LRRC70: variants seen among roughly 807,000 people sequenced by gnomAD.
LRRC70 encodes leucine-rich repeat-containing protein 70.
A neutral mutation model predicts 42.4 loss-of-function variants in LRRC70; 31 were observed. The observed-to-expected ratio is 0.73, with a 90% CI of 0.55 to 0.99. The LOEUF (loss-of-function observed/expected upper bound fraction) is 0.99. LRRC70 is among the 50% of genes least tolerant of loss of function. The pLI is 0.00. For synonymous variants in LRRC70, 270 were observed against 262.9 expected (o/e 1.03, Z -0.26); for missense variants, 643 against 707.5 (o/e 0.91, Z 1.03).
chr5:62,580,130 G>GT lies in LRRC70; in HGVS notation c.692_693insT (p.Arg231SerfsTer8). The GT allele has an allele frequency of 6.5e-7, 1 of 1,549,848 alleles. No individual in the cohort carries two copies. Among genetic ancestry groups the GT allele is most frequent in the Non-Finnish European group, 8.7e-7 (1 of 1,145,484 alleles). ...GCCTTTGAAGTACTTAAAAGTCTTA[G>GT]AAGACTTTCTTTGTCTCATAATCCT... On this transcript the variant is annotated frameshift_variant, in exon 2 of 2. Coordinates refer to ENST00000334994, the MANE Select transcript of LRRC70 (RefSeq NM_181506.5). LOFTEE classifies it high-confidence loss of function.
rs554115905 is a variant in LRRC70 at position 62,580,724 on chromosome 5, C to T, written c.1286C>T (p.Ala429Val). 23 of 1,551,272 alleles carry T rather than the reference C, an allele frequency of 1.5e-5. No individual in the cohort carries two copies. The highest frequency in any genetic ancestry group is 1.3e-4 in the South Asian group (11 of 84,052). Residue 429 changes from alanine (A) to valine (V), a missense_variant, in exon 2 of 2, where the codon GCG (alanine) becomes GTG (valine). Physicochemically the swap from Ala to Val is moderately conservative, Grantham distance 64 (BLOSUM62 0). Coordinates refer to ENST00000334994, the MANE Select transcript of LRRC70 (RefSeq NM_181506.5). Reference sequence around the variant, plus strand: ...CCTCATATTCATCACAAGACTACTGCGCTAATGATGGCCTGGCATAAAGTA... The same window carrying T: ...CCTCATATTCATCACAAGACTACTGTGCTAATGATGGCCTGGCATAAAGTA... ...KSPHIHHKTT[A>V]LMMAWHKVTT... is the part of the protein sequence containing the mutation.
chr5:62,579,088 A>G (rs1580345743), intron 1 of LRRC70, among the ~76,000 whole-genome samples, 153 bp downstream of exon 1: 1 of 152,116 alleles, frequency 6.6e-6, no homozygotes, highest in African/African-American at 2.4e-5. Context: ...TTAAAGGGAC[A>G]TATTAAATTC....
chr5:62,580,196 A>G lies in LRRC70; in HGVS notation c.758A>G (p.Asn253Ser), dbSNP rs1187146956. Residue 253 changes from asparagine to serine, a missense_variant, in exon 2 of 2, where the codon AAT becomes AGT. Asn to Ser is a conservative substitution (Grantham distance 46). Coordinates refer to ENST00000334994, the MANE Select transcript of LRRC70 (RefSeq NM_181506.5). ...IQPFAFKGLA[N>S]LEYLLLKNSR... ...CCCTTTGCATTTAAAGGACTTGCCA[A>G]TCTGGAATACCTCCTCCTGAAAAAT... The G allele has an allele frequency of 3.9e-6, 6 of 1,551,084 alleles. No homozygotes were observed. The highest frequency in any genetic ancestry group is 1.4e-5 in the African/African-American group (1 of 73,008).
chr5:62,580,034 G>T lies in LRRC70; in HGVS notation c.596G>T (p.Gly199Val), dbSNP rs1479888737. The part of the protein sequence containing the change: ...NNNILRISES[G>V]FQHLENLACL... The stretch of plus-strand genomic sequence containing the variant: ...AACATTTTGAGGATATCAGAATCAG[G>T]CTTTCAACATCTTGAAAACCTTGCT... The change falls in exon 2 of 2, where the codon GGC (glycine) becomes GTC (valine). Residue 199 changes from glycine to valine, a missense_variant. By Grantham distance (109) the Gly-to-Val change is moderately radical (BLOSUM62 -3). Transcript: ENST00000334994. The T allele has an allele frequency of 6.4e-7, 1 of 1,551,034 alleles. No homozygotes were observed. The highest frequency in any genetic ancestry group is 8.7e-7 in the Non-Finnish European group (1 of 1,146,718).
rs1317463753 is a variant in LRRC70 at position 62,581,389 on chromosome 5, T to C, written c.*82T>C. The C allele has an allele frequency of 1.3e-5, 13 of 1,030,000 alleles. No individual in the cohort carries two copies. In the South Asian group the frequency reaches 2.2e-4, roughly 17 times the overall value. The allele number at this position is 1,030,000 out of a possible 1,614,324, so 63.8% of individuals were successfully genotyped here. Reference sequence around the variant, plus strand: ...AACCTCCTTATATAATTATATACTTTAGTTGGAAATATAATGAATTATATG... The same window carrying C: ...AACCTCCTTATATAATTATATACTTCAGTTGGAAATATAATGAATTATATG... On this transcript the variant is annotated 3_prime_UTR_variant, in exon 2 of 2. Transcript: ENST00000334994.
rs1007497172 is a variant in LRRC70, at chr5:62,579,951, T to C, written c.513T>C (p.Leu171=). 4 of 1,551,324 alleles carry C rather than the reference T, an allele frequency of 2.6e-6. No individual in the cohort carries two copies. Among genetic ancestry groups the C allele is most frequent in the Non-Finnish European group, 3.5e-6 (4 of 1,146,742 alleles). The change falls in exon 2 of 2, where the codon CTT becomes CTC. Residue 171 remains leucine, a synonymous_variant. Transcript: ENST00000334994. ...TACAAAGGAATCGCCTCACTGTCCT[T>C]GGGAGTGGTACCTTTGTTGGTATGG... ...LNLQRNRLTV[L]GSGTFVGMVA...
In LRRC70 at chr5:62,579,593, C is replaced by T. The variant is rs1408227447; in HGVS notation, c.155C>T (p.Ser52Leu). 12 of 1,550,896 alleles carry T rather than the reference C, an allele frequency of 7.7e-6. No individual in the cohort carries two copies. In the Admixed American group the frequency reaches 9.8e-5, roughly 13 times the overall value. The change falls in exon 2 of 2, where the codon TCG (serine) becomes TTG (leucine). Residue 52 changes from serine to leucine, a missense_variant. Coordinates refer to ENST00000334994, the MANE Select transcript of LRRC70 (RefSeq NM_181506.5). ...ATTAACTGCCGTAACTTAGGCCTTTCGAGTATTCCTAAGAATTTTCCTGAA... is the reference window on the plus strand; with the variant it reads ...ATTAACTGCCGTAACTTAGGCCTTTTGAGTATTCCTAAGAATTTTCCTGAA... ...RQINCRNLGL[S>L]SIPKNFPEST... is the part of the protein sequence containing the mutation.
Position 62,579,462 on chromosome 5 carries a change from G to A in LRRC70, c.24G>A (p.Leu8=), listed in dbSNP as rs1164949486. MCGLQFS[L]PCLRLFLVVT... is the part of the protein sequence containing the mutation. ...ATATGTGTGGATTACAGTTTTCTCT[G>A]CCTTGCCTACGACTGTTTCTGGTTG... Residue 8 remains leucine (L), a synonymous_variant, in exon 2 of 2, where the codon CTG becomes CTA. Transcript: ENST00000334994. 3.2e-6 allele frequency: 5 copies of A among 1,550,674 alleles called. No individual in the cohort carries two copies. The highest frequency in any genetic ancestry group is 4.4e-6 in the Non-Finnish European group (5 of 1,146,394).
Position 62,581,010 on chromosome 5 carries a change from G to A in LRRC70, c.1572G>A (p.Leu524=), listed in dbSNP as rs1744536222. ...TTTGTACACAAGAAGTTGAGAAGTT[G>A]AATGAGGCTTTTGACATTTTGCTAG... ...SLICTQEVEK[L]NEAFDILLAF... is the part of the protein sequence containing the mutation. Residue 524 remains leucine (L), a synonymous_variant, in exon 2 of 2, where the codon TTG becomes TTA. Coordinates refer to ENST00000334994, the MANE Select transcript of LRRC70 (RefSeq NM_181506.5). The A allele has an allele frequency of 6.4e-7, 1 of 1,551,114 alleles. No homozygotes were observed. Among genetic ancestry groups the A allele is most frequent in the Admixed American group, 2.0e-5 (1 of 50,954 alleles).
chr5:62,578,930 T>A lies in LRRC70; in HGVS notation c.-44T>A, dbSNP rs1744429690. 4.1e-6 allele frequency: 1 copy of A among 245,810 alleles called. No homozygotes were observed. The highest frequency in any genetic ancestry group is 2.3e-5 in the African/African-American group (1 of 43,274). 15.2% of individuals were successfully genotyped at this position (245,810 alleles called of 1,614,324 possible). A position where few individuals can be genotyped will look rare whatever the true frequency, so the allele number is the denominator to read the frequency against. On this transcript the variant is annotated 5_prime_UTR_variant, in exon 1 of 2. Coordinates refer to ENST00000334994, the MANE Select transcript of LRRC70 (RefSeq NM_181506.5). Reference sequence around the variant, plus strand: ...GAGTGTTAATAATACGAATTTCCTTTTCTTGGTAAGATTATTTACTTAAAT... The same window carrying A: ...GAGTGTTAATAATACGAATTTCCTTATCTTGGTAAGATTATTTACTTAAAT...
rs1489665754 is a variant in LRRC70, at chr5:62,580,583, A to G, written c.1145A>G (p.Asn382Ser). Residue 382 changes from asparagine (N) to serine (S), a missense_variant, in exon 2 of 2, where the codon AAC becomes AGC. By Grantham distance (46) the Asn-to-Ser change is conservative. Transcript: ENST00000334994. ...DWLASSAITL[N>S]IYCQNPPSMR... ...CTAGCATCTTCAGCCATTACTCTAA[A>G]CATCTATTGTCAGAATCCCCCATCC... 35 of 1,551,474 alleles carry G rather than the reference A, an allele frequency of 2.3e-5. No homozygotes were observed. Among genetic ancestry groups the G allele is most frequent in the Non-Finnish European group, 3.0e-5 (34 of 1,146,812 alleles).
chr5:62,579,519 A>G lies in LRRC70; in HGVS notation c.81A>G (p.Lys27=), dbSNP rs1415354602. The G allele has an allele frequency of 1.9e-6, 3 of 1,550,962 alleles. No individual in the cohort carries two copies. Among genetic ancestry groups the G allele is most frequent in the East Asian group, 4.9e-5 (2 of 40,906 alleles). The change falls in exon 2 of 2, where the codon AAA becomes AAG. Residue 27 remains lysine, a synonymous_variant. Transcript: ENST00000334994. ...GTTATCTTTTATTATTACTCCACAAAGAAATACTTGGATGTTCGTCTGTTT... is the reference window on the plus strand; with the variant it reads ...GTTATCTTTTATTATTACTCCACAAGGAAATACTTGGATGTTCGTCTGTTT... ...VTCYLLLLLH[K]EILGCSSVCQ...
chr5:62,579,659 A>G lies in LRRC70; in HGVS notation c.221A>G (p.Tyr74Cys), dbSNP rs764601617. 8 of 1,546,716 alleles carry G rather than the reference A, an allele frequency of 5.2e-6. No individual in the cohort carries two copies. In the South Asian group the frequency reaches 8.4e-5, roughly 16 times the overall value. Reference protein sequence around the residue: ...FLYLTGNNISYINESELTGLH... With the variant: ...FLYLTGNNISCINESELTGLH... ...TATCTGACTGGGAATAATATATCTT[A>G]TATAAATGAAAGTGAATTAACAGGA... is the stretch of plus-strand genomic sequence containing the variant. The change falls in exon 2 of 2, where the codon TAT becomes TGT. Residue 74 changes from tyrosine to cysteine, a missense_variant. Coordinates refer to ENST00000334994, the MANE Select transcript of LRRC70 (RefSeq NM_181506.5).
intron 1 of LRRC70, 68 bp from the exon 2 acceptor site, chr5:62,579,333 T>C (rs1453639293): frequency 2.1e-6 from 2 of 961,082 alleles, no homozygotes; most frequent in African/African-American, 1.6e-5. Flanking sequence ...ACAGAAGTTA[T>C]AGTATTATAA....
Position 62,579,616 on chromosome 5 carries a change from G to A in LRRC70, c.178G>A (p.Glu60Lys). 1 of 1,550,892 alleles carries A rather than the reference G, an allele frequency of 6.4e-7. No individual in the cohort carries two copies. The highest frequency in any genetic ancestry group is 8.7e-7 in the Non-Finnish European group (1 of 1,146,532). ...GLSSIPKNFP[E>K]STVFLYLTGN... ...TTCGAGTATTCCTAAGAATTTTCCT[G>A]AAAGTACAGTTTTTCTGTATCTGAC... The change falls in exon 2 of 2, where the codon GAA becomes AAA. Residue 60 changes from glutamate to lysine, a missense_variant. Transcript: ENST00000334994.
rs1200938581 is a variant in LRRC70 at position 62,580,753 on chromosome 5, A to G, written c.1315A>G (p.Thr439Ala). ...AATGATGGCCTGGCATAAAGTAACCACAAATGGCAGTCCTCTGGAAAATAC... is the reference window on the plus strand; with the variant it reads ...AATGATGGCCTGGCATAAAGTAACCGCAAATGGCAGTCCTCTGGAAAATAC... ...ALMMAWHKVT[T>A]NGSPLENTET... is the part of the protein sequence containing the mutation. Residue 439 changes from threonine (T) to alanine (A), a missense_variant, in exon 2 of 2, where the codon ACA becomes GCA. Thr to Ala is a moderately conservative substitution (Grantham distance 58, BLOSUM62 0). Coordinates refer to ENST00000334994, the MANE Select transcript of LRRC70 (RefSeq NM_181506.5). 1.3e-6 allele frequency: 2 copies of G among 1,551,394 alleles called. No individual in the cohort carries two copies. The highest frequency in any genetic ancestry group is 2.7e-5 in the African/African-American group (2 of 73,038).
Position 62,581,096 on chromosome 5 carries a change from A to C in LRRC70, c.1658A>C (p.Lys553Thr). ...TTGATCTACAAAGTTGTTCAGTTTAAACAAAAACTAAAGGCATCAGAAAAC... is the reference window on the plus strand; with the variant it reads ...TTGATCTACAAAGTTGTTCAGTTTACACAAAAACTAAAGGCATCAGAAAAC... ...IFLIYKVVQF[K>T]QKLKASENSR... The change falls in exon 2 of 2, where the codon AAA (lysine) becomes ACA (threonine). Residue 553 changes from lysine to threonine, a missense_variant. Physicochemically the swap from Lys to Thr is moderately conservative, Grantham distance 78 (BLOSUM62 -1). Transcript: ENST00000334994. The C allele has an allele frequency of 6.5e-7, 1 of 1,549,028 alleles. No homozygotes were observed. The highest frequency in any genetic ancestry group is 8.7e-7 in the Non-Finnish European group (1 of 1,146,300).
In LRRC70 at chr5:62,581,135, G is replaced by T. The variant is rs1325811839; in HGVS notation, c.1697G>T (p.Arg566Ile). 6.4e-7 allele frequency: 1 copy of T among 1,550,398 alleles called. No homozygotes were observed. The highest frequency in any genetic ancestry group is 8.7e-7 in the Non-Finnish European group (1 of 1,146,606). ...LKASENSREN[R>I]LEYYSFYQSA... ...GCATCAGAAAACTCAAGGGAAAATAGACTTGAATACTACAGCTTTTATCAG... is the reference window on the plus strand; with the variant it reads ...GCATCAGAAAACTCAAGGGAAAATATACTTGAATACTACAGCTTTTATCAG... Residue 566 changes from arginine (R) to isoleucine (I), a missense_variant, in exon 2 of 2, where the codon AGA becomes ATA. Arg to Ile is a moderately conservative substitution (Grantham distance 97, BLOSUM62 -3). Transcript: ENST00000334994.
At position 62,580,148 on chromosome 5, in the gene LRRC70, A is replaced by G; in HGVS notation, c.710A>G (p.His237Arg). Residue 237 changes from histidine (H) to arginine (R), a missense_variant, in exon 2 of 2, where the codon CAT becomes CGT. Coordinates refer to ENST00000334994, the MANE Select transcript of LRRC70 (RefSeq NM_181506.5). Reference protein sequence around the residue: ...LKSLRRLSLSHNPIEAIQPFA... With the variant: ...LKSLRRLSLSRNPIEAIQPFA... Reference sequence around the variant, plus strand: ...AGTCTTAGAAGACTTTCTTTGTCTCATAATCCTATTGAAGCAATACAGCCC... The same window carrying G: ...AGTCTTAGAAGACTTTCTTTGTCTCGTAATCCTATTGAAGCAATACAGCCC... 1.9e-6 allele frequency: 3 copies of G among 1,551,222 alleles called. No individual in the cohort carries two copies.
Sources: allele counts gnomAD v4.1 joint callset (sites outside exome capture counted in the v4.1 genomes callset), GRCh38; gene constraint gnomAD v4.1.1; transcripts MANE v1.5; gene names NCBI Gene and HGNC (gene_info 2026-07-23, HGNC 2026-07-21).